The following FANCD2 variants were observed in gnomAD, a reference collection of about 807,000 sequenced individuals.
The protein encoded by FANCD2 is Fanconi anemia group D2 protein.
Under a neutral mutation model 192.3 loss-of-function variants are expected in FANCD2, and 131 were observed. The observed-to-expected ratio is 0.68, with a 90% CI of 0.59 to 0.79. FANCD2 has a LOEUF of 0.79. Ranked by LOEUF, FANCD2 falls within the 30% of genes least tolerant of loss-of-function variation. FANCD2 has a pLI of 0.00. For missense variants in FANCD2, 1,508 were observed against 1,701.6 expected (o/e 0.89, Z 2.00); for synonymous variants, 524 against 612.5 (o/e 0.86, Z 2.13).
chr3:10,044,222 C>T (rs1292263572), intron 14 of FANCD2, among the ~76,000 whole-genome samples: 4 of 152,334 alleles, frequency 2.6e-5, no homozygotes, highest in African/African-American at 9.6e-5. Context: ...GCCCTTCCTT[C>T]CACTCAGCAC....
At chr3:10,044,394 G>A (rs626693) in intron 14 of FANCD2, among the ~76,000 whole-genome samples, 3,755 of 150,436 alleles carry the variant, frequency 0.025, 167 homozygotes, top group African/African-American at 0.085. Flanking sequence ...TTGGCCGGGC[G>A]CGGTAGCTCA....
rs146759790 is a variant in FANCD2 at position 10,069,036 on chromosome 3, TAAC to T, written c.2494+1731_2494+1733del. ...CTAAGACTTCAAATTATGAAACTACTAACAACAACAACAAAAAACATTCAGAAA... is the reference window on the plus strand; with the variant it reads ...CTAAGACTTCAAATTATGAAACTACTAACAACAACAAAAAACATTCAGAAA... On this transcript the variant is annotated intron_variant, in intron 26 of 43. Coordinates refer to ENST00000675286, the MANE Select transcript of FANCD2 (RefSeq NM_001018115.3). Among the ~76,000 whole-genome samples, 576 of 152,254 alleles carry T rather than the reference TAAC, an allele frequency of 3.8e-3. 3 individuals are homozygous for T. Among genetic ancestry groups the T allele is most frequent in the African/African-American group, 0.013 (552 of 41,544 alleles).
chr3:10,087,552 A>G (rs573414319), intron 34 of FANCD2, among the ~76,000 whole-genome samples: 4 of 152,190 alleles, frequency 2.6e-5, no homozygotes, highest in Non-Finnish European at 4.4e-5. Flanking sequence ...TATCTGAGAC[A>G]TTTGACAAAA....
At chr3:10,095,328 T>C (rs1223323604) in intron 41 of FANCD2, 54 bp downstream of exon 41, 8 of 1,411,194 alleles carry the variant, frequency 5.7e-6, no homozygotes, top group Non-Finnish European at 8.0e-6. Flanking sequence ...TAATCTGCAG[T>C]TGCTATTGGG....
chr3:10,050,486 C>G (rs781102924), intron 17 of FANCD2, among the ~76,000 whole-genome samples: 1 of 151,654 alleles, frequency 6.6e-6, no homozygotes, highest in Non-Finnish European at 1.5e-5. Flanking sequence ...AGCCGGGCAT[C>G]GTGGCGGTCG....
At chr3:10,089,681 G>C (rs953936185) in intron 36 of FANCD2, among the ~76,000 whole-genome samples, 2 of 152,134 alleles carry the variant, frequency 1.3e-5, no homozygotes, top group African/African-American at 2.4e-5. Context: ...TGTTGGCCAG[G>C]CTAGTCTTGA....
In FANCD2 at chr3:10,101,416, C is replaced by T. The variant is rs1438041597; in HGVS notation, c.*154C>T. 18 of 586,566 alleles carry T rather than the reference C, an allele frequency of 3.1e-5. No homozygotes were observed. Among genetic ancestry groups the T allele is most frequent in the South Asian group, 2.5e-4 (13 of 52,354 alleles). 36.3% of individuals were successfully genotyped at this position (586,566 alleles called of 1,614,324 possible). On this transcript the variant is annotated 3_prime_UTR_variant, in exon 44 of 44. Transcript: ENST00000675286. ...TTTTTTTTTTTTAAAGACGGGGACT[C>T]GCTGTGTTTCCCAGGCTGGAGTGCA...
chr3:10,098,890 AACTTTGCCT>A (rs774492211), intron 43 of FANCD2, 75 bp downstream of exon 43: 1 of 1,614,206 alleles, frequency 6.2e-7, no homozygotes, highest in Non-Finnish European at 8.5e-7. Flanking sequence ...GGTGGAGCAG[AACTTTGCCT>A]ACTTATGTTT....
intron 18 of FANCD2, among the ~76,000 whole-genome samples, chr3:10,053,780 T>C (rs375222243): frequency 6.6e-5 from 10 of 152,088 alleles, no homozygotes; most frequent in Non-Finnish European, 1.3e-4. Flanking sequence ...TCAAAAAGCT[T>C]TGTCTGTTAG....
intron 43 of FANCD2, among the ~76,000 whole-genome samples, chr3:10,100,273 T>C (rs2125103914): frequency 6.6e-6 from 1 of 152,344 alleles, no homozygotes. Context: ...GCAGACAATA[T>C]CCTATTAGTT....
At chr3:10,080,160 G>A (rs1021435119) in intron 30 of FANCD2, among the ~76,000 whole-genome samples, 4 of 151,886 alleles carry the variant, frequency 2.6e-5, no homozygotes, top group Non-Finnish European at 5.9e-5. Context: ...TGATCCACCC[G>A]CCTTGGCCTC....
At chr3:10,042,178 G>C (rs190141278) in intron 10 of FANCD2, among the ~76,000 whole-genome samples, 124 of 152,222 alleles carry the variant, frequency 8.1e-4, no homozygotes, top group African/African-American at 2.9e-3. Flanking sequence ...TTACAGGCTT[G>C]AGCCACCGTG....
chr3:10,075,536 G>A (rs1693485775), intron 29 of FANCD2, among the ~76,000 whole-genome samples: 1 of 152,170 alleles, frequency 6.6e-6, no homozygotes, highest in Admixed American at 6.5e-5. Flanking sequence ...CCAAGGACTA[G>A]TGAAACTCTA....
At chr3:10,033,257 C>A (rs961911728) in intron 3 of FANCD2, among the ~76,000 whole-genome samples, 1 of 152,082 alleles carries the variant, frequency 6.6e-6, no homozygotes, top group Admixed American at 6.6e-5. Context: ...AAAAATTAGC[C>A]GGGCATGGTG....
rs184879342 is a variant in FANCD2 at position 10,069,707 on chromosome 3, G to C, written c.2494+2390G>C. Among the ~76,000 whole-genome samples the C allele has an allele frequency of 8.0e-3, 1,224 of 152,190 alleles. 9 individuals carry two copies. Among genetic ancestry groups the C allele is most frequent in the Middle Eastern group, 0.014 (4 of 294 alleles). On this transcript the variant is annotated intron_variant, in intron 26 of 43. Transcript: ENST00000675286. ...TCCAGCTCCTAACCGCGAGTGATCC[G>C]CTAGCCTCAGCCTCCCGAGGTGCCG...
chr3:10,073,013 C>T (rs1040176125), intron 27 of FANCD2, 32 bp downstream of exon 27: 2 of 1,283,010 alleles, frequency 1.6e-6, no homozygotes, highest in African/African-American at 1.5e-5. Flanking sequence ...TGTCTTGTGT[C>T]TCTAAATAAG....
In FANCD2 at chr3:10,065,413, C is replaced by T. The variant is rs766008512; in HGVS notation, c.2188C>T (p.Leu730=). 2 of 1,613,744 alleles carry T rather than the reference C, an allele frequency of 1.2e-6. No individual in the cohort carries two copies. The highest frequency in any genetic ancestry group is 4.5e-5 in the East Asian group (2 of 44,886). ...SGQKLVSPLC[L]APYFRLLRLC... Reference sequence around the variant, plus strand: ...TCTCAGATTGGTGTCTCCGCTGTGCCTGGCTCCGTATTTCCGGTTACTGAG... The same window carrying T: ...TCTCAGATTGGTGTCTCCGCTGTGCTTGGCTCCGTATTTCCGGTTACTGAG... Residue 730 remains leucine (L), a synonymous_variant, in exon 24 of 44, where the codon CTG becomes TTG. Transcript: ENST00000675286.
At position 10,032,930 on chromosome 3, in the gene FANCD2, T is replaced by C; in HGVS notation, c.163T>C (p.Ser55Pro). The C allele has an allele frequency of 1.3e-6, 2 of 1,592,470 alleles. No individual in the cohort carries two copies. Among genetic ancestry groups the C allele is most frequent in the Non-Finnish European group, 1.7e-6 (2 of 1,160,526 alleles). ...DSIFVKLLKISGIILKTGESQ... is the reference protein window; with the variant it reads ...DSIFVKLLKIPGIILKTGESQ... ...CATCTTTGTAAAGCTTCTTAAGATATCAGGAATTATTCTTAAAACGGGAGA... is the reference window on the plus strand; with the variant it reads ...CATCTTTGTAAAGCTTCTTAAGATACCAGGAATTATTCTTAAAACGGGAGA... Residue 55 changes from serine to proline, a missense_variant, in exon 3 of 44, where the codon TCA becomes CCA. Ser to Pro is a moderately conservative substitution (Grantham distance 74). Around this residue, in one of 5 missense-constraint regions of FANCD2, gnomAD observed 435 missense variants for 421.9 expected, o/e 1.03. Transcript: ENST00000675286.
chr3:10,077,281 G>A (rs1159384842), intron 29 of FANCD2, among the ~76,000 whole-genome samples: 2 of 152,130 alleles, frequency 1.3e-5, no homozygotes, highest in African/African-American at 4.8e-5. Flanking sequence ...ACCCTGCTGG[G>A]CGCAGTGGCT....
Sources: gnomAD v4.1 joint callset for allele counts (sites outside exome capture counted in the v4.1 genomes callset) on GRCh38, gnomAD v4.1.1 for gene constraint, gnomAD v4.1.1 regional missense constraint, MANE v1.5 for transcripts, NCBI Gene and HGNC (gene_info 2026-07-23, HGNC 2026-07-21) for gene names.